WDFY2: variants seen among roughly 807,000 people sequenced by gnomAD.
WDFY2 encodes WD repeat and FYVE domain-containing protein 2.
In WDFY2, 36 loss-of-function variants were observed where a neutral mutation model predicts 56.4. The observed-to-expected ratio is 0.64, with a 90% CI of 0.49 to 0.84. WDFY2 has a LOEUF of 0.84. Ranked by LOEUF, WDFY2 falls within the 40% of genes least tolerant of loss-of-function variation. The pLI, the probability that WDFY2 is intolerant of heterozygous loss-of-function variation, is 0.00. For missense variants in WDFY2, 444 were observed against 512.2 expected (o/e 0.87, Z 1.29); for synonymous variants, 176 against 183.7 (o/e 0.96, Z 0.34).
chr13:51,646,550 A>G (rs911595235), intron 1 of WDFY2, among the ~76,000 whole-genome samples: 5 of 152,130 alleles, frequency 3.3e-5, no homozygotes, highest in African/African-American at 1.2e-4. Context: ...CAGAGGTGGC[A>G]CTTGTTTTTC....
chr13:51,747,340 CAAT>C (rs747777530), intron 7 of WDFY2, among the ~76,000 whole-genome samples: 133 of 152,196 alleles, frequency 8.7e-4, no homozygotes, highest in Non-Finnish European at 1.8e-3. Flanking sequence ...ATATTATAGA[CAAT>C]AACGACATCA....
At chr13:51,635,533 C>T (rs1955031884) in intron 1 of WDFY2, among the ~76,000 whole-genome samples, 1 of 152,176 alleles carries the variant, frequency 6.6e-6, no homozygotes, top group South Asian at 2.1e-4. Context: ...CTGCATTTCA[C>T]CTTTTGTCCT....
At chr13:51,601,376 C>T (rs1177466637) in intron 1 of WDFY2, among the ~76,000 whole-genome samples, 2 of 150,970 alleles carry the variant, frequency 1.3e-5, no homozygotes, top group African/African-American at 4.9e-5. Flanking sequence ...TGTGCCTTTT[C>T]TTATTTAATT....
At chr13:51,696,111 C>G (rs1358985576) in intron 3 of WDFY2, among the ~76,000 whole-genome samples, 1 of 152,238 alleles carries the variant, frequency 6.6e-6, no homozygotes, top group Non-Finnish European at 1.5e-5. Context: ...AGGGAACTCC[C>G]TGACCCCTTG....
chr13:51,611,657 T>C (rs1954505725), intron 1 of WDFY2, among the ~76,000 whole-genome samples: 1 of 152,238 alleles, frequency 6.6e-6, no homozygotes, highest in Admixed American at 6.5e-5. Context: ...CCCTACCTCA[T>C]ACGACTCAGG....
intron 1 of WDFY2, among the ~76,000 whole-genome samples, chr13:51,620,072 G>A (rs1954696680): frequency 6.6e-6 from 1 of 152,212 alleles, no homozygotes; most frequent in Non-Finnish European, 1.5e-5. Context: ...AGAAATACAG[G>A]AGGGGAGGCA....
chr13:51,613,071 G>A (rs1954534643), intron 1 of WDFY2, among the ~76,000 whole-genome samples: 1 of 152,102 alleles, frequency 6.6e-6, no homozygotes, highest in African/African-American at 2.4e-5. Context: ...GGTGGTGCAT[G>A]CCTGTAGTCC....
intron 1 of WDFY2, among the ~76,000 whole-genome samples, chr13:51,621,025 ATG>A (rs1200205588): frequency 6.6e-6 from 1 of 152,156 alleles, no homozygotes; most frequent in Non-Finnish European, 1.5e-5. Flanking sequence ...TGTTTTTAAT[ATG>A]TTTATTGATG....
intron 2 of WDFY2, among the ~76,000 whole-genome samples, chr13:51,673,361 TC>T (rs1955836488): frequency 6.6e-6 from 1 of 152,216 alleles, no homozygotes; most frequent in Non-Finnish European, 1.5e-5. Context: ...ATAAGGTTGT[TC>T]CTGGCTAGTC....
intron 4 of WDFY2, among the ~76,000 whole-genome samples, chr13:51,708,698 A>T (rs1215277251): frequency 8.5e-5 from 13 of 152,188 alleles, no homozygotes; most frequent in Non-Finnish European, 5.9e-5. Context: ...AAAATAAATG[A>T]TCTAAAGGCA....
intron 1 of WDFY2, among the ~76,000 whole-genome samples, chr13:51,600,125 G>A (rs1169990578): frequency 2.0e-5 from 3 of 152,044 alleles, no homozygotes; most frequent in Non-Finnish European, 4.4e-5. Flanking sequence ...CCTTATCATT[G>A]TATCTCTCAA....
chr13:51,706,424 G>A (rs1199542412), intron 4 of WDFY2, among the ~76,000 whole-genome samples: 1 of 152,190 alleles, frequency 6.6e-6, no homozygotes, highest in African/African-American at 2.4e-5. Context: ...CCTAGGGCCT[G>A]AGTGAGATGA....
At chr13:51,740,409 G>C (rs1286250383) in intron 7 of WDFY2, among the ~76,000 whole-genome samples, 3 of 152,110 alleles carry the variant, frequency 2.0e-5, no homozygotes, top group East Asian at 3.9e-4. Context: ...CATCATCCAC[G>C]TAAGAGAAGA....
chr13:51,699,871 C>G (rs965658658), intron 3 of WDFY2, among the ~76,000 whole-genome samples: 1 of 152,200 alleles, frequency 6.6e-6, no homozygotes, highest in African/African-American at 2.4e-5. Context: ...AAAGACCTTT[C>G]TCAAAGTATT....
intron 1 of WDFY2, among the ~76,000 whole-genome samples, chr13:51,637,945 G>A (rs749865885): frequency 5.3e-5 from 8 of 152,148 alleles, no homozygotes; most frequent in African/African-American, 1.7e-4. Flanking sequence ...TCTTTTAACC[G>A]TAAACATCTA....
chr13:51,642,495 A>G (rs1427338610), intron 1 of WDFY2, among the ~76,000 whole-genome samples: 6 of 151,696 alleles, frequency 4.0e-5, no homozygotes, highest in Admixed American at 3.9e-4. Flanking sequence ...ATGGGATTTC[A>G]CCATGTTGCC....
intron 1 of WDFY2, among the ~76,000 whole-genome samples, chr13:51,617,182 A>G (rs578234374): frequency 1.3e-5 from 2 of 152,192 alleles, no homozygotes; most frequent in Non-Finnish European, 2.9e-5. Context: ...AACTTAATCT[A>G]TTTAATAAGA....
At chr13:51,605,719 C>A (rs1954373560) in intron 1 of WDFY2, among the ~76,000 whole-genome samples, 1 of 152,142 alleles carries the variant, frequency 6.6e-6, no homozygotes, top group Non-Finnish European at 1.5e-5. Context: ...ATTTTGAATT[C>A]ATTGATGATA....
At position 51,634,264 on chromosome 13, in the gene WDFY2, GT is replaced by G. The variant is rs1222218028; in HGVS notation, c.138-26320del. On this transcript the variant is annotated intron_variant, in intron 1 of 11. Coordinates refer to ENST00000298125, the MANE Select transcript of WDFY2 (RefSeq NM_052950.4). ...TGTAGTCTTGCAAAGCCCTAGAAGT[GT>G]TTTTTTTTTTTCAGAAGTAGTGGAT... Among the ~76,000 whole-genome samples, 57 of 140,484 alleles carry G rather than the reference GT, an allele frequency of 4.1e-4. No homozygotes were observed. The East Asian group carries it at 5.3e-3, about 13-fold the overall frequency. The allele number at this position is 140,484 out of a possible 152,430, so 92.2% of individuals were successfully genotyped here.
Sources: allele counts gnomAD v4.1 joint callset (sites outside exome capture counted in the v4.1 genomes callset), GRCh38; gene constraint gnomAD v4.1.1; transcripts MANE v1.5; gene names NCBI Gene and HGNC (gene_info 2026-07-23, HGNC 2026-07-21).